NPAS3: variants seen among roughly 807,000 people sequenced by gnomAD.
The protein encoded by NPAS3 is neuronal PAS domain protein 3.
In NPAS3, 14 loss-of-function variants were observed where a neutral mutation model predicts 73.1. The ratio of observed to expected loss-of-function variants is 0.19; its 90% CI spans 0.13 to 0.30. The LOEUF (loss-of-function observed/expected upper bound fraction) is 0.30. NPAS3 is among the 10% of genes least tolerant of loss of function. NPAS3 has a pLI of 1.00. For synonymous variants in NPAS3, 620 were observed against 541.5 expected, an observed-to-expected ratio of 1.14 and a Z score of -2.01; for missense variants, 1,096 against 1,250.0, an observed-to-expected ratio of 0.88 and a Z score of 1.86.
At chr14:33,765,631 A>G (rs2062437431) in intron 7 of NPAS3, among the ~76,000 whole-genome samples, 1 of 152,250 alleles carries the variant, frequency 6.6e-6, no homozygotes, top group Admixed American at 6.5e-5. Flanking sequence ...CCAAAAGGCA[A>G]CAAGTTATGT....
chr14:33,178,137 C>T (rs575669896), intron 2 of NPAS3, among the ~76,000 whole-genome samples: 5 of 137,834 alleles, frequency 3.6e-5, no homozygotes, highest in East Asian at 2.2e-4. Context: ...TGCAGTGGTG[C>T]GATCTCAGCT....
chr14:33,620,126 A>G lies in NPAS3; in HGVS notation c.559-56085A>G, dbSNP rs75307302. On this transcript the variant is annotated intron_variant, in intron 5 of 11. Coordinates refer to ENST00000356141, the Ensembl canonical transcript of NPAS3. ...GTGAAATGAAAGAATTGGGCTGGCCATGCTCCTGTGGTGATGATATAGATA... is the reference window on the plus strand; with the variant it reads ...GTGAAATGAAAGAATTGGGCTGGCCGTGCTCCTGTGGTGATGATATAGATA... Among the ~76,000 whole-genome samples the G allele has an allele frequency of 0.01, 1,584 of 152,322 alleles. 61 individuals are homozygous for G. The East Asian group carries it at 0.15, about 14-fold the overall frequency.
At chr14:33,387,867 G>A (rs2046837862) in intron 4 of NPAS3, among the ~76,000 whole-genome samples, 1 of 152,190 alleles carries the variant, frequency 6.6e-6, no homozygotes, top group African/African-American at 2.4e-5. Context: ...CACAGTCTTT[G>A]TTCTTGTAGA....
chr14:33,141,876 C>T lies in NPAS3; in HGVS notation c.141-73306C>T, dbSNP rs150319101. ...TAGCTTTCCAGCAAGTATGCCATCG[C>T]ATTTCCAGCAGTGTGTGAGGATGAC... is the stretch of plus-strand genomic sequence containing the variant. On this transcript the variant is annotated intron_variant, in intron 2 of 11. Coordinates refer to ENST00000356141, the Ensembl canonical transcript of NPAS3. Among the ~76,000 whole-genome samples, 132 of 152,320 alleles carry T rather than the reference C, an allele frequency of 8.7e-4. No individual in the cohort carries two copies. The East Asian group carries it at 0.022, about 25-fold the overall frequency.
At chr14:32,935,145 G>C, upstream of NPAS3, 1 of 327,044 alleles carries the variant, frequency 3.1e-6, no homozygotes, top group Non-Finnish European at 4.8e-6. Flanking sequence ...CTACAGATGA[G>C]GAAGAAAAAC....
At chr14:33,066,261 G>A (rs2041275448) in intron 2 of NPAS3, among the ~76,000 whole-genome samples, 1 of 152,150 alleles carries the variant, frequency 6.6e-6, no homozygotes, top group African/African-American at 2.4e-5. Flanking sequence ...CTTTTAAAAG[G>A]AGAGGTTTGG....
chr14:33,721,246 C>G (rs2140545226), intron 6 of NPAS3, among the ~76,000 whole-genome samples: 1 of 152,268 alleles, frequency 6.6e-6, no homozygotes, highest in Non-Finnish European at 1.5e-5. Context: ...ATACACACTG[C>G]TATCTTACCT....
chr14:33,166,895 C>CT (rs1189675763), intron 2 of NPAS3, among the ~76,000 whole-genome samples: 5 of 152,190 alleles, frequency 3.3e-5, no homozygotes, highest in Non-Finnish European at 5.9e-5. Flanking sequence ...TTTCATTTCA[C>CT]TTAGTATATC....
intron 3 of NPAS3, among the ~76,000 whole-genome samples, chr14:33,284,836 C>T (rs2041808169): frequency 6.6e-6 from 1 of 151,674 alleles, no homozygotes; most frequent in African/African-American, 2.4e-5. Flanking sequence ...CAACATCTGC[C>T]TGTAGTAGTT....
chr14:33,393,708 C>T (rs1274132027), intron 4 of NPAS3, among the ~76,000 whole-genome samples: 3 of 151,988 alleles, frequency 2.0e-5, no homozygotes, highest in Non-Finnish European at 4.4e-5. Flanking sequence ...TCAGGGACCC[C>T]GCGGCTGTTG....
chr14:33,200,482 C>G (rs2046573008), intron 2 of NPAS3, among the ~76,000 whole-genome samples: 1 of 152,010 alleles, frequency 6.6e-6, no homozygotes, highest in Non-Finnish European at 1.5e-5. Context: ...TTTAATGTCA[C>G]CTGGCTTTAT....
intron 1 of NPAS3, among the ~76,000 whole-genome samples, chr14:33,052,496 A>G (rs1487636772): frequency 6.6e-6 from 1 of 152,094 alleles, no homozygotes; most frequent in Admixed American, 6.6e-5. Flanking sequence ...TTAAGAAAAA[A>G]CCCTACATAT....
Position 33,240,984 on chromosome 14 carries a change from A to G in NPAS3, c.385+25558A>G, listed in dbSNP as rs538284503. 1.1e-4 allele frequency among the ~76,000 whole-genome samples: 16 copies of G among 152,064 alleles called. No homozygotes were observed. In the South Asian group the frequency reaches 2.9e-3, roughly 28 times the overall value. On this transcript the variant is annotated intron_variant, in intron 3 of 11. Transcript: ENST00000356141. The stretch of plus-strand genomic sequence containing the variant: ...TCTCCAGACCACTAATGAAGATGTT[A>G]AATAAGTCTTAGCATGAGGCTAACC...
intron 5 of NPAS3, among the ~76,000 whole-genome samples, chr14:33,567,329 G>A (rs560824761): frequency 1.0e-3 from 152 of 152,238 alleles, no homozygotes; most frequent in African/African-American, 3.3e-3. Flanking sequence ...AGTCTCATGC[G>A]ACAAAAACCC....
intron 1 of NPAS3, among the ~76,000 whole-genome samples, chr14:33,052,200 T>C (rs1295927681): frequency 6.6e-6 from 1 of 152,218 alleles, no homozygotes; most frequent in East Asian, 1.9e-4. Flanking sequence ...AAAGGATCCC[T>C]GTTGTCCTCA....
chr14:33,124,071 C>G (rs903818867), intron 2 of NPAS3, among the ~76,000 whole-genome samples: 1 of 151,792 alleles, frequency 6.6e-6, no homozygotes, highest in Non-Finnish European at 1.5e-5. Flanking sequence ...CCTGGCTGGT[C>G]TTGAATTCCT....
At chr14:32,994,969 G>C (rs950647517) in intron 1 of NPAS3, among the ~76,000 whole-genome samples, 2 of 152,118 alleles carry the variant, frequency 1.3e-5, no homozygotes, top group Non-Finnish European at 2.9e-5. Flanking sequence ...TAAGCACTTT[G>C]AGTTCCTTGA....
At chr14:33,585,207 T>G (rs1213410517) in intron 5 of NPAS3, among the ~76,000 whole-genome samples, 1 of 151,760 alleles carries the variant, frequency 6.6e-6, no homozygotes, top group Non-Finnish European at 1.5e-5. Context: ...GTGGTGAGAG[T>G]CCATGTTAGA....
At chr14:33,574,262 G>A (rs372932602) in intron 5 of NPAS3, among the ~76,000 whole-genome samples, 4 of 152,040 alleles carry the variant, frequency 2.6e-5, no homozygotes, top group South Asian at 4.2e-4. Context: ...CAGCATATAC[G>A]ATACAGCACA....
Sources: gnomAD v4.1 joint callset for allele counts (sites outside exome capture counted in the v4.1 genomes callset) on GRCh38, gnomAD v4.1.1 for gene constraint, MANE v1.5 for transcripts, NCBI Gene and HGNC (gene_info 2026-07-23, HGNC 2026-07-21) for gene names.